Variants in SSBP2 observed in about 807,000 individuals in gnomAD.
The protein encoded by SSBP2 is single stranded DNA binding protein 2, also known as single-stranded DNA-binding protein 2.
Under a neutral mutation model 61.8 loss-of-function variants are expected in SSBP2, and 17 were observed. The ratio of observed to expected loss-of-function variants is 0.28; its 90% CI spans 0.19 to 0.41. SSBP2 has a LOEUF of 0.41. Among genes scored for constraint, SSBP2 ranks in the 10% least tolerant of loss-of-function variants. The pLI is 1.00. For missense variants in SSBP2, 310 were observed against 458.7 expected (o/e 0.68, Z 2.96); for synonymous variants, 139 against 141.3 (o/e 0.98, Z 0.12).
intron 8 of SSBP2, among the ~76,000 whole-genome samples, chr5:81,471,510 T>C (rs1765244000): frequency 6.6e-6 from 1 of 151,984 alleles, no homozygotes; most frequent in Non-Finnish European, 1.5e-5. Context: ...AAAAATCCTT[T>C]AACAGCCAGA....
intron 3 of SSBP2, among the ~76,000 whole-genome samples, chr5:81,625,134 A>G (rs913994843): frequency 6.6e-6 from 1 of 152,196 alleles, no homozygotes; most frequent in African/African-American, 2.4e-5. Flanking sequence ...ATATTATGAC[A>G]ATGTGATAAT....
chr5:81,649,416 T>C (rs1749546485), intron 2 of SSBP2, among the ~76,000 whole-genome samples: 1 of 152,006 alleles, frequency 6.6e-6, no homozygotes, highest in African/African-American at 2.4e-5. Flanking sequence ...ATGGGGTACA[T>C]ATACACCATG....
At chr5:81,661,969 T>G (rs1750733678) in intron 1 of SSBP2, among the ~76,000 whole-genome samples, 1 of 152,256 alleles carries the variant, frequency 6.6e-6, no homozygotes, top group Admixed American at 6.5e-5. Context: ...CTTTATGGTT[T>G]CAAGTCTTAT....
chr5:81,457,030 A>G (rs1764212191), intron 10 of SSBP2, among the ~76,000 whole-genome samples: 1 of 152,202 alleles, frequency 6.6e-6, no homozygotes, highest in African/African-American at 2.4e-5. Flanking sequence ...ACACATACAT[A>G]TATTTCCTAG....
At chr5:81,743,355 T>C (rs141195394) in intron 1 of SSBP2, among the ~76,000 whole-genome samples, 14 of 152,206 alleles carry the variant, frequency 9.2e-5, no homozygotes, top group Non-Finnish European at 1.5e-4. Context: ...TCCGTTGAAA[T>C]GTCCTCTCCT....
At chr5:81,650,596 T>A (rs1486501687) in intron 1 of SSBP2, among the ~76,000 whole-genome samples, 2 of 152,116 alleles carry the variant, frequency 1.3e-5, no homozygotes, top group Non-Finnish European at 2.9e-5. Context: ...TTTTCTTGAA[T>A]CATCTCACTT....
At chr5:81,696,916 C>T (rs1230416651) in intron 1 of SSBP2, among the ~76,000 whole-genome samples, 2 of 152,092 alleles carry the variant, frequency 1.3e-5, no homozygotes, top group East Asian at 3.9e-4. Context: ...TTGACAAATA[C>T]CTGTGGAAAT....
intron 1 of SSBP2, among the ~76,000 whole-genome samples, chr5:81,750,166 A>G (rs1478967062): frequency 6.6e-6 from 1 of 151,628 alleles, no homozygotes; most frequent in Non-Finnish European, 1.5e-5. Context: ...CTCCTCGCCA[A>G]CACACTTTAG....
intron 14 of SSBP2, 130 bp downstream of exon 14, chr5:81,440,428 T>G: frequency 1.5e-6 from 1 of 650,448 alleles, no homozygotes. Flanking sequence ...ACTATCTGTA[T>G]GAGGTAAAAG....
At chr5:81,575,478 C>G (rs1319813057) in intron 4 of SSBP2, among the ~76,000 whole-genome samples, 1 of 151,714 alleles carries the variant, frequency 6.6e-6, no homozygotes, top group Non-Finnish European at 1.5e-5. Context: ...GTTAATAAAT[C>G]AAGGATAGTG....
chr5:81,475,917 G>A (rs1233009072), intron 6 of SSBP2, among the ~76,000 whole-genome samples: 2 of 152,034 alleles, frequency 1.3e-5, no homozygotes, highest in Non-Finnish European at 2.9e-5. Context: ...CATACACACA[G>A]AGGAATTATC....
chr5:81,610,811 T>A (rs999157886), intron 4 of SSBP2, among the ~76,000 whole-genome samples: 1 of 152,086 alleles, frequency 6.6e-6, no homozygotes, highest in Non-Finnish European at 1.5e-5. Flanking sequence ...CTGATCAACA[T>A]GGAGAAACCC....
chr5:81,448,684 CT>C, intron 11 of SSBP2, 105 bp downstream of exon 11: 3 of 1,098,060 alleles, frequency 2.7e-6, no homozygotes, highest in African/African-American at 3.2e-5. Flanking sequence ...ATGTTCACTT[CT>C]TGGCCAATAC....
chr5:81,424,900 T>C (rs1376214565), intron 16 of SSBP2, among the ~76,000 whole-genome samples: 4 of 152,212 alleles, frequency 2.6e-5, no homozygotes, highest in African/African-American at 9.6e-5. Context: ...CAATATGTGA[T>C]GACATATTGT....
intron 6 of SSBP2, among the ~76,000 whole-genome samples, chr5:81,486,563 T>C (rs1766398113): frequency 6.6e-6 from 1 of 152,140 alleles, no homozygotes; most frequent in Admixed American, 6.6e-5. Flanking sequence ...TATACAAAGC[T>C]ATGGACGGAA....
chr5:81,638,421 G>A (rs1748451581), intron 2 of SSBP2, among the ~76,000 whole-genome samples: 1 of 152,020 alleles, frequency 6.6e-6, no homozygotes, highest in South Asian at 2.1e-4. Context: ...TACTCTGGAG[G>A]CTGAGGCAGG....
chr5:81,661,412 T>C (rs947673414), intron 1 of SSBP2, among the ~76,000 whole-genome samples: 6 of 152,190 alleles, frequency 3.9e-5, no homozygotes, highest in African/African-American at 1.4e-4. Flanking sequence ...TTTAATTTTT[T>C]GAGAAACCTC....
At chr5:81,478,202 C>T (rs930930315) in intron 6 of SSBP2, among the ~76,000 whole-genome samples, 2 of 152,052 alleles carry the variant, frequency 1.3e-5, no homozygotes, top group Non-Finnish European at 2.9e-5. Flanking sequence ...CCCTCAGCTG[C>T]CCAGGCTGCA....
intron 2 of SSBP2, among the ~76,000 whole-genome samples, chr5:81,639,078 C>T (rs555363362): frequency 1.3e-5 from 2 of 152,080 alleles, no homozygotes; most frequent in Non-Finnish European, 2.9e-5. Flanking sequence ...TCAATATGAA[C>T]ATCAATTATC....
Sources: gnomAD v4.1 joint callset for allele counts (sites outside exome capture counted in the v4.1 genomes callset) on GRCh38, gnomAD v4.1.1 for gene constraint, MANE v1.5 for transcripts, NCBI Gene and HGNC (gene_info 2026-07-23, HGNC 2026-07-21) for gene names.